LRRC8A: variants seen among roughly 807,000 people sequenced by gnomAD.
LRRC8A encodes volume-regulated anion channel subunit LRRC8A.
In LRRC8A, 24 loss-of-function variants were observed where a neutral mutation model predicts 52.5. The observed-to-expected ratio is 0.46, with a 90% confidence interval of 0.33 to 0.64. The LOEUF (loss-of-function observed/expected upper bound fraction) is 0.64. Ranked by LOEUF, LRRC8A falls within the 30% of genes least tolerant of loss-of-function variation. LRRC8A has a pLI of 0.02. For missense variants in LRRC8A, 677 were observed against 1,094.7 expected (o/e 0.62, Z 5.38); for synonymous variants, 492 against 494.2 (o/e 1.00, Z 0.06).
rs558317594 is a variant in LRRC8A at position 128,886,280 on chromosome 9, C to T, written c.-9+159C>T. Among the ~76,000 whole-genome samples the T allele has an allele frequency of 1.5e-4, 23 of 152,356 alleles. No homozygotes were observed. The South Asian group carries it at 4.1e-3, about 27-fold the overall frequency. On this transcript the variant is annotated intron_variant, in intron 2 of 3. Transcript: ENST00000372600. ...GGCAGACAGCAGAATTACTCTCTTC[C>T]TCCTTCTCCCGCTGAGTAATGTGTG...
Position 128,916,854 on chromosome 9 carries a change from C to A in LRRC8A, c.*483C>A. 6.2e-6 allele frequency: 1 copy of A among 162,358 alleles called. No individual in the cohort carries two copies. The highest frequency in any genetic ancestry group is 1.7e-4 in the East Asian group (1 of 6,004). 10.1% of individuals were successfully genotyped at this position (162,358 alleles called of 1,614,324 possible). A position where few individuals can be genotyped will look rare whatever the true frequency, so the allele number is the denominator to read the frequency against. The stretch of plus-strand genomic sequence containing the variant: ...GTCCTTATTTAGCGATGCCGCCGGG[C>A]ATTTAACACCCACCTGGACTTCAGC... On this transcript the variant is annotated 3_prime_UTR_variant, in exon 4 of 4. Transcript: ENST00000372600. The surrounding 1 kb of genome is among the most constrained non-coding windows in gnomAD (Gnocchi z 6.1).
intron 3 of LRRC8A, among the ~76,000 whole-genome samples, chr9:128,910,997 GTCC>G (rs890353660): frequency 2.0e-5 from 3 of 152,176 alleles, no homozygotes; most frequent in African/African-American, 4.8e-5. Flanking sequence ...TGATGCACCT[GTCC>G]TCCTTCCACC....
rs1162166414 is a variant in LRRC8A at position 128,908,973 on chromosome 9, G to A, written c.1809G>A (p.Leu603=). Residue 603 remains leucine, a synonymous_variant, in exon 3 of 4, where the codon CTG becomes CTA. Coordinates refer to ENST00000372600, the MANE Select transcript of LRRC8A (RefSeq NM_019594.4). ...LTELELIRCD[L]ERIPHSIFSL... ...AGCTGGAGCTGATCCGCTGTGACCT[G>A]GAGCGCATCCCCCACTCCATCTTCA... 1.2e-6 allele frequency: 2 copies of A among 1,614,024 alleles called. No homozygotes were observed. Among genetic ancestry groups the A allele is most frequent in the Non-Finnish European group, 1.7e-6 (2 of 1,180,032 alleles).
chr9:128,910,127 G>C (rs974146043), intron 3 of LRRC8A, among the ~76,000 whole-genome samples: 44 of 152,184 alleles, frequency 2.9e-4, no homozygotes, highest in African/African-American at 1.0e-3. Context: ...GTGGCTCTGT[G>C]GTCTGGCCTC....
chr9:128,897,883 T>C (rs1201223655), intron 2 of LRRC8A, among the ~76,000 whole-genome samples: 1 of 142,218 alleles, frequency 7.0e-6, no homozygotes, highest in Non-Finnish European at 1.5e-5. Flanking sequence ...CAAATGGTTA[T>C]AATAAAAAAA....
rs2131015593 is a variant in LRRC8A, at chr9:128,907,023, G to A, written c.-8-134G>A. The A allele has an allele frequency of 1.2e-6, 1 of 802,984 alleles. No homozygotes were observed. 49.7% of individuals were successfully genotyped at this position (802,984 alleles called of 1,614,324 possible). A position where few individuals can be genotyped will look rare whatever the true frequency, so the allele number is the denominator to read the frequency against. On this transcript the variant is annotated intron_variant, in intron 2 of 3. Transcript: ENST00000372600. The surrounding 1 kb of genome is among the most constrained non-coding windows in gnomAD (Gnocchi z 9.3). ...GTGGGCTGCCCCGTGGAGTAGGCAG[G>A]CTTTGGCTCCCAGCTAGATTTGAGG...
chr9:128,915,156 C>T (rs1412313586), intron 3 of LRRC8A, among the ~76,000 whole-genome samples: 2 of 152,172 alleles, frequency 1.3e-5, no homozygotes, highest in African/African-American at 2.4e-5. Context: ...ATACGGGTGT[C>T]GTCTGTTAAC....
At chr9:128,914,882 A>G (rs1010519978) in intron 3 of LRRC8A, among the ~76,000 whole-genome samples, 2 of 152,214 alleles carry the variant, frequency 1.3e-5, no homozygotes, top group African/African-American at 4.8e-5. Context: ...GCCAGGAGAC[A>G]GCACGAACCC....
intron 2 of LRRC8A, among the ~76,000 whole-genome samples, chr9:128,904,915 G>T (rs974774547): frequency 2.0e-5 from 3 of 150,458 alleles, no homozygotes; most frequent in South Asian, 2.1e-4. Flanking sequence ...GGAGAATGGC[G>T]TGAATCTGGG....
intron 2 of LRRC8A, among the ~76,000 whole-genome samples, chr9:128,888,706 C>T (rs934610786): frequency 2.0e-5 from 3 of 152,082 alleles, no homozygotes; most frequent in African/African-American, 4.8e-5. Context: ...CTGGCAGGAT[C>T]GCGCTGGGAG....
intron 3 of LRRC8A, among the ~76,000 whole-genome samples, chr9:128,913,374 G>T (rs750225216): frequency 1.3e-5 from 2 of 152,196 alleles, no homozygotes; most frequent in African/African-American, 4.8e-5. Flanking sequence ...TTTCAGTGCC[G>T]ATGGGGACCC....
At chr9:128,905,299 G>A (rs1433019710) in intron 2 of LRRC8A, among the ~76,000 whole-genome samples, 5 of 152,144 alleles carry the variant, frequency 3.3e-5, no homozygotes, top group African/African-American at 9.7e-5. Context: ...TTGCTGCTAC[G>A]CTTTTTTACA....
Position 128,907,505 on chromosome 9 carries a change from A to G in LRRC8A, c.341A>G (p.Tyr114Cys), listed in dbSNP as rs1359149351. The change falls in exon 3 of 4, where the codon TAT (tyrosine) becomes TGT (cysteine). Residue 114 changes from tyrosine to cysteine, a missense_variant. Coordinates refer to ENST00000372600, the MANE Select transcript of LRRC8A (RefSeq NM_019594.4). This position sits in a 1 kb window ranked among gnomAD's most constrained non-coding sequence, Gnocchi z 9.3. ...HQYNYVDAVC[Y>C]ENRLHWFAKY... ...TACAACTACGTGGACGCTGTGTGCT[A>G]TGAGAACCGACTGCACTGGTTTGCC... 4 of 1,614,088 alleles carry G rather than the reference A, an allele frequency of 2.5e-6. No individual in the cohort carries two copies. Among genetic ancestry groups the G allele is most frequent in the Non-Finnish European group, 3.4e-6 (4 of 1,180,038 alleles).
intron 3 of LRRC8A, among the ~76,000 whole-genome samples, chr9:128,909,795 G>C (rs1006492631): frequency 2.0e-5 from 3 of 152,204 alleles, no homozygotes; most frequent in Non-Finnish European, 2.9e-5. Context: ...GTCCACCCAG[G>C]ACAGAAACTG....
At position 128,907,412 on chromosome 9, in the gene LRRC8A, A is replaced by C; in HGVS notation, c.248A>C (p.Asn83Thr). The C allele has an allele frequency of 3.1e-6, 5 of 1,612,932 alleles. No individual in the cohort carries two copies. Among genetic ancestry groups the C allele is most frequent in the Non-Finnish European group, 4.2e-6 (5 of 1,179,886 alleles). ...CCTGGCCCGGAGCCCACCTACCCCA[A>C]CTCCACCATTCTGCCGACCCCTGAC... is the stretch of plus-strand genomic sequence containing the variant. ...AAPGPEPTYP[N>T]STILPTPDTG... is the part of the protein sequence containing the mutation. Residue 83 changes from asparagine to threonine, a missense_variant, in exon 3 of 4, where the codon AAC becomes ACC. By Grantham distance (65) the Asn-to-Thr change is moderately conservative. Transcript: ENST00000372600. This position sits in a 1 kb window ranked among gnomAD's most constrained non-coding sequence, Gnocchi z 9.3.
At chr9:128,896,785 G>A (rs750423874) in intron 2 of LRRC8A, among the ~76,000 whole-genome samples, 6 of 152,098 alleles carry the variant, frequency 3.9e-5, no homozygotes, top group Non-Finnish European at 7.4e-5. Context: ...GCAGTGGTAC[G>A]ATGTCTGCTC....
At chr9:128,890,400 C>T (rs1839569172) in intron 2 of LRRC8A, among the ~76,000 whole-genome samples, 1 of 152,170 alleles carries the variant, frequency 6.6e-6, no homozygotes, top group Non-Finnish European at 1.5e-5. Context: ...GAGCAATGTT[C>T]CAGTGGAGTA....
At chr9:128,906,187 G>A (rs1234517639) in intron 2 of LRRC8A, among the ~76,000 whole-genome samples, 1 of 152,158 alleles carries the variant, frequency 6.6e-6, no homozygotes, top group African/African-American at 2.4e-5. Context: ...GGAGTACAGC[G>A]ACGGGGTCAT....
At position 128,907,137 on chromosome 9, in the gene LRRC8A, C is replaced by A. The variant is rs190419210; in HGVS notation, c.-8-20C>A. 3 of 1,582,248 alleles carry A rather than the reference C, an allele frequency of 1.9e-6. No homozygotes were observed. The highest frequency in any genetic ancestry group is 4.5e-5 in the East Asian group (2 of 44,350). ...GCCAGGCCACCCTGTGCTAACCCCC[C>A]TCCTATGGCTCCCTTTTAGGTTGAA... On this transcript the variant is annotated intron_variant, in intron 2 of 3. Coordinates refer to ENST00000372600, the MANE Select transcript of LRRC8A (RefSeq NM_019594.4). The surrounding 1 kb of genome is among the most constrained non-coding windows in gnomAD (Gnocchi z 9.3).
Sources: gnomAD v4.1 joint callset for allele counts (sites outside exome capture counted in the v4.1 genomes callset) on GRCh38, gnomAD v4.1.1 for gene constraint, Gnocchi (gnomAD v3.1) non-coding constraint, MANE v1.5 for transcripts, NCBI Gene and HGNC (gene_info 2026-07-23, HGNC 2026-07-21) for gene names.